Variants in SUN5 observed in about 807,000 individuals in gnomAD.
SUN5 encodes Sad1 and UNC84 domain containing 5.
In SUN5, 44 loss-of-function variants were observed where a neutral mutation model predicts 53.7. That is an observed-to-expected ratio of 0.82 (90% CI 0.64 to 1.05). The LOEUF (loss-of-function observed/expected upper bound fraction) is 1.05, where lower values mean the gene tolerates loss of function less well. Ranked by LOEUF, SUN5 falls within the 50% of genes least tolerant of loss-of-function variation. The pLI, the probability that SUN5 is intolerant of heterozygous loss-of-function variation, is 0.00. For missense variants in SUN5, 433 were observed against 483.8 expected, an observed-to-expected ratio of 0.90 and a Z score of 0.98; for synonymous variants, 166 against 179.8, an observed-to-expected ratio of 0.92 and a Z score of 0.62.
chr20:32,988,384 G>C (rs1206751811), intron 9 of SUN5, among the ~76,000 whole-genome samples: 1 of 152,016 alleles, frequency 6.6e-6, no homozygotes, highest in Non-Finnish European at 1.5e-5. Flanking sequence ...GGCAGCCTGC[G>C]GCCCATACTT....
intron 3 of SUN5, among the ~76,000 whole-genome samples, chr20:33,001,519 C>CTTTCTTTCTTTCTCTTTCTTTCTTTCT (rs68051515): frequency 8.2e-6 from 1 of 121,324 alleles, no homozygotes; most frequent in Non-Finnish European, 1.7e-5. Context: ...TTCTTTCTTT[C>CTTTCTTTCTTTCTCTTTCTTTCTTTCT]TTCTTTCTTT....
chr20:32,993,995 T>C (rs982181629), intron 8 of SUN5, among the ~76,000 whole-genome samples: 2 of 152,202 alleles, frequency 1.3e-5, no homozygotes, highest in Non-Finnish European at 2.9e-5. Context: ...CCAAGTTTGC[T>C]CCTGGCGGAG....
chr20:33,003,133 C>A (rs892992433), intron 1 of SUN5, among the ~76,000 whole-genome samples: 1 of 152,146 alleles, frequency 6.6e-6, no homozygotes, highest in African/African-American at 2.4e-5. Flanking sequence ...CAGTCACAGG[C>A]GGTTGTCGCC....
chr20:32,985,970 C>T (rs939988817), intron 10 of SUN5, 67 bp from the exon 11 acceptor site: 34 of 1,533,016 alleles, frequency 2.2e-5, no homozygotes, highest in African/African-American at 1.6e-4. Context: ...CTTTGATCCC[C>T]TGTACTTCCT....
At chr20:32,999,847 T>C in intron 5 of SUN5, 2 of 1,436,778 alleles carry the variant, frequency 1.4e-6, no homozygotes, top group Non-Finnish European at 1.9e-6. Context: ...GAAGTAACAA[T>C]GTTCATAACA....
intron 1 of SUN5, among the ~76,000 whole-genome samples, chr20:33,003,815 G>C (rs1187122921): frequency 2.6e-5 from 4 of 152,136 alleles, no homozygotes; most frequent in Non-Finnish European, 5.9e-5. Context: ...GGATTGTTTG[G>C]TATACTCTCT....
chr20:32,983,866 G>A lies in SUN5; in HGVS notation c.1068C>T (p.Arg356=), dbSNP rs572445773. 2.4e-5 allele frequency: 39 copies of A among 1,599,934 alleles called. No individual in the cohort carries two copies. Among genetic ancestry groups the A allele is most frequent in the East Asian group, 1.6e-4 (7 of 43,936 alleles). ...WGNPGFTCLY[R]VRVHGSVAPP... is the part of the protein sequence containing the mutation. ...GGGCCACAGAGCCATGCACTCGCAC[G>A]CGGTACAGGCAAGTGAAGCCTGGGT... Residue 356 remains arginine (R), a synonymous_variant, in exon 13 of 13, where the codon CGC becomes CGT. Coordinates refer to ENST00000356173, the MANE Select transcript of SUN5 (RefSeq NM_080675.4).
chr20:33,004,243 G>T (rs1990127235), intron 1 of SUN5, 21 bp downstream of exon 1: 1 of 1,550,788 alleles, frequency 6.4e-7, no homozygotes, highest in Non-Finnish European at 8.7e-7. Context: ...GCTGGGCAAA[G>T]GGAGGGGCTG....
intron 1 of SUN5, 87 bp downstream of exon 1, chr20:33,004,177 A>G: frequency 2.2e-6 from 3 of 1,385,678 alleles, no homozygotes; most frequent in Non-Finnish European, 2.9e-6. Flanking sequence ...ACAGTTGACA[A>G]TGCCACTCAT....
intron 5 of SUN5, 80 bp downstream of exon 5, chr20:32,999,994 T>C (rs1989958975): frequency 2.6e-6 from 4 of 1,567,334 alleles, no homozygotes; most frequent in Non-Finnish European, 3.5e-6. Flanking sequence ...GGCAGTGCAG[T>C]GTCTTGCCCA....
rs1207286092 is a variant in SUN5, at chr20:32,983,958, G to C, written c.985-9C>G. 6.4e-7 allele frequency: 1 copy of C among 1,559,916 alleles called. No homozygotes were observed. Among genetic ancestry groups the C allele is most frequent in the Non-Finnish European group, 8.7e-7 (1 of 1,152,416 alleles). ...GCCCGGGCCGGCTGGTTCTGGAAGA[G>C]AATCAGTCACAGAGGCAGCTCACCC... On this transcript the variant is annotated splice_polypyrimidine_tract_variant and intron_variant, in intron 12 of 12. Coordinates refer to ENST00000356173, the MANE Select transcript of SUN5 (RefSeq NM_080675.4).
intron 1 of SUN5, 138 bp from the exon 2 acceptor site, chr20:33,003,057 A>G: frequency 2.0e-6 from 2 of 985,800 alleles, no homozygotes; most frequent in Non-Finnish European, 3.0e-6. Flanking sequence ...TGATTCAGGG[A>G]CAGACCCAGG....
At chr20:32,991,479 G>A (rs1989710385) in intron 8 of SUN5, among the ~76,000 whole-genome samples, 1 of 152,216 alleles carries the variant, frequency 6.6e-6, no homozygotes, top group South Asian at 2.1e-4. Context: ...CTTATAGGTG[G>A]TGGGGATGAA....
chr20:32,998,160 G>A (rs1989901440), intron 5 of SUN5, among the ~76,000 whole-genome samples: 2 of 85,460 alleles, frequency 2.3e-5, no homozygotes, highest in South Asian at 4.4e-4. Flanking sequence ...CCAATGTGGT[G>A]AAACCCCATC....
chr20:32,992,285 CA>C (rs1989729348), intron 8 of SUN5, among the ~76,000 whole-genome samples: 1 of 152,170 alleles, frequency 6.6e-6, no homozygotes, highest in Admixed American at 6.5e-5. Flanking sequence ...AAATAATCCC[CA>C]ATTGAGAACC....
At chr20:32,985,032 T>C in intron 12 of SUN5, 67 bp downstream of exon 12, 1 of 1,520,622 alleles carries the variant, frequency 6.6e-7, no homozygotes, top group Non-Finnish European at 9.1e-7. Flanking sequence ...GAAGAGGGGG[T>C]CCCTGGGTAC....
chr20:32,995,802 C>T lies in SUN5; in HGVS notation c.426-75G>A, dbSNP rs1989832751. 3 of 1,353,094 alleles carry T rather than the reference C, an allele frequency of 2.2e-6. No individual in the cohort carries two copies. In the Admixed American group the frequency reaches 5.1e-5, roughly 23 times the overall value. 83.8% of individuals were successfully genotyped at this position (1,353,094 alleles called of 1,614,324 possible). A position where few individuals can be genotyped will look rare whatever the true frequency, so the allele number is the denominator to read the frequency against. ...TTGTTACCCTCAGATTTTCCCTTTGCTAGTTGGCTCTCAAAGAATGAGTTT... is the reference window on the plus strand; with the variant it reads ...TTGTTACCCTCAGATTTTCCCTTTGTTAGTTGGCTCTCAAAGAATGAGTTT... On this transcript the variant is annotated intron_variant, in intron 7 of 12. Coordinates refer to ENST00000356173, the MANE Select transcript of SUN5 (RefSeq NM_080675.4).
In SUN5 at chr20:32,983,797, A is replaced by G. The variant is rs750632484; in HGVS notation, c.1137T>C (p.Asp379=). ...QPHQNPYPKR[D] Reference sequence around the variant, plus strand: ...GTCTGGGGGTAAAGAATAAATTTTAATCTCTCTTAGGGTAGGGGTTCTGGT... The same window carrying G: ...GTCTGGGGGTAAAGAATAAATTTTAGTCTCTCTTAGGGTAGGGGTTCTGGT... The change falls in exon 13 of 13, where the codon GAT becomes GAC. Residue 379 remains aspartate, a synonymous_variant. Transcript: ENST00000356173. The G allele has an allele frequency of 2.0e-6, 3 of 1,472,944 alleles. No homozygotes were observed. Among genetic ancestry groups the G allele is most frequent in the South Asian group, 1.5e-5 (1 of 67,734 alleles). The allele number at this position is 1,472,944 out of a possible 1,614,324, so 91.2% of individuals were successfully genotyped here.
rs772569267 is a variant in SUN5 at position 32,995,597 on chromosome 20, G to A, written c.534+22C>T. 20 of 1,599,688 alleles carry A rather than the reference G, an allele frequency of 1.3e-5. No individual in the cohort carries two copies. The Middle Eastern group carries it at 1.2e-3, about 93-fold the overall frequency. On this transcript the variant is annotated intron_variant, in intron 8 of 12. Transcript: ENST00000356173. Reference sequence around the variant, plus strand: ...AAACAAAGAGAAATTAGATGTTTGGGGCAGAATGGCCAGCGTCTCACCTCA... The same window carrying A: ...AAACAAAGAGAAATTAGATGTTTGGAGCAGAATGGCCAGCGTCTCACCTCA...
Sources: gnomAD v4.1 joint callset for allele counts (sites outside exome capture counted in the v4.1 genomes callset) on GRCh38, gnomAD v4.1.1 for gene constraint, MANE v1.5 for transcripts, NCBI Gene and HGNC (gene_info 2026-07-23, HGNC 2026-07-21) for gene names.